Variants in ARHGEF28 observed in about 807,000 individuals in gnomAD.
ARHGEF28 encodes 190 kDa guanine nucleotide exchange factor.
Under a neutral mutation model 206.6 loss-of-function variants are expected in ARHGEF28, and 152 were observed. The ratio of observed to expected loss-of-function variants is 0.74; its 90% confidence interval spans 0.64 to 0.84. The LOEUF (loss-of-function observed/expected upper bound fraction) is 0.84. Among genes scored for constraint, ARHGEF28 ranks in the 40% least tolerant of loss-of-function variants. The pLI is 0.00. For synonymous variants in ARHGEF28, 763 were observed against 776.4 expected, an observed-to-expected ratio of 0.98 and a Z score of 0.29; for missense variants, 2,028 against 2,073.2, an observed-to-expected ratio of 0.98 and a Z score of 0.42.
At chr5:73,650,610 A>G (rs1744752553) in intron 1 of ARHGEF28, among the ~76,000 whole-genome samples, 2 of 151,578 alleles carry the variant, frequency 1.3e-5, no homozygotes, top group Admixed American at 1.3e-4. Flanking sequence ...GATGGAAATT[A>G]CCTGTATACA....
In ARHGEF28 at chr5:73,810,140, T is replaced by C. The variant is rs144110862; in HGVS notation, c.1024+14749T>C. Among the ~76,000 whole-genome samples the C allele has an allele frequency of 9.8e-5, 15 of 152,366 alleles. No individual in the cohort carries two copies. In the East Asian group the frequency reaches 2.7e-3, roughly 27 times the overall value. ...AAAAGGGCTGTGCAAACACTATTTT[T>C]GACTTCACTTTCTAGTTGTATGTTA... On this transcript the variant is annotated intron_variant, in intron 9 of 35. Transcript: ENST00000513042.
At chr5:73,688,640 G>A (rs1376265293) in intron 2 of ARHGEF28, among the ~76,000 whole-genome samples, 1 of 152,032 alleles carries the variant, frequency 6.6e-6, no homozygotes, top group Non-Finnish European at 1.5e-5. Context: ...TCTTTTTGGG[G>A]AGAGAGGAGG....
chr5:73,813,620 A>G, intron 9 of ARHGEF28: 7 of 1,535,728 alleles, frequency 4.6e-6, no homozygotes, highest in Non-Finnish European at 6.1e-6. Context: ...CCTTTTAACT[A>G]CTCGTGGCCT....
chr5:73,907,442 C>A lies in ARHGEF28; in HGVS notation c.4162-1970C>A, dbSNP rs62357077. ...GTGAATTATTTTAATCTGAGCTGGT[C>A]CAAGGCCATGGGCTTTGAAAGATTT... On this transcript the variant is annotated intron_variant, in intron 33 of 35. Transcript: ENST00000513042. Among the ~76,000 whole-genome samples, 1,186 of 152,278 alleles carry A rather than the reference C, an allele frequency of 7.8e-3. 5 individuals carry two copies. The highest frequency in any genetic ancestry group is 0.012 in the Non-Finnish European group (826 of 68,024).
At chr5:73,691,416 C>A (rs1021639934) in intron 2 of ARHGEF28, among the ~76,000 whole-genome samples, 3 of 152,082 alleles carry the variant, frequency 2.0e-5, no homozygotes, top group African/African-American at 7.2e-5. Context: ...ATTCCCGTTC[C>A]TGTACTCTGA....
rs80072293 is a variant in ARHGEF28 at position 73,673,064 on chromosome 5, G to A, written c.-11-11777G>A. On this transcript the variant is annotated intron_variant, in intron 1 of 35. Coordinates refer to ENST00000513042, the MANE Select transcript of ARHGEF28 (RefSeq NM_001177693.2). ...TAATTCAACCCTTTCACTTAAAGCA[G>A]CTTAGACCTGCATAACTCAGGTAGA... Among the ~76,000 whole-genome samples the A allele has an allele frequency of 6.5e-3, 986 of 152,286 alleles. 15 individuals carry two copies. The highest frequency in any genetic ancestry group is 0.023 in the African/African-American group (951 of 41,550).
At chr5:73,899,830 C>A (rs1450660442) in intron 30 of ARHGEF28, 4 of 152,204 alleles carry the variant, frequency 2.6e-5, no homozygotes, top group African/African-American at 9.6e-5. Flanking sequence ...GACCCTCTGG[C>A]CCACCCTGAA....
At chr5:73,881,504 G>A (rs1479558661) in intron 22 of ARHGEF28, among the ~76,000 whole-genome samples, 1 of 152,148 alleles carries the variant, frequency 6.6e-6, no homozygotes, top group Non-Finnish European at 1.5e-5. Context: ...AGTCATATAT[G>A]TGTTTTGTTA....
Position 73,707,654 on chromosome 5 carries a change from G to A in ARHGEF28, c.33+22770G>A, listed in dbSNP as rs76273459. Among the ~76,000 whole-genome samples the A allele has an allele frequency of 8.7e-3, 1,327 of 152,106 alleles. 43 individuals carry two copies. Among genetic ancestry groups the A allele is most frequent in the Admixed American group, 0.071 (1,091 of 15,260 alleles). ...GACTAGTATGCAGAGGCAAGCTCAT[G>A]GATTTCTATTTTTTTTTATTTGTAA... On this transcript the variant is annotated intron_variant, in intron 2 of 35. Transcript: ENST00000513042.
chr5:73,815,190 GTA>G (rs34284444), intron 9 of ARHGEF28, among the ~76,000 whole-genome samples: 51,826 of 148,168 alleles, frequency 0.35, 9,356 homozygotes, highest in East Asian at 0.48. Context: ...GATTCAGGGG[GTA>G]TATATATATA....
chr5:73,675,953 G>A (rs915119011), intron 1 of ARHGEF28, among the ~76,000 whole-genome samples: 14 of 151,758 alleles, frequency 9.2e-5, no homozygotes, highest in Non-Finnish European at 1.8e-4. Flanking sequence ...AACGTGAACC[G>A]TGTGTGTGTC....
intron 3 of ARHGEF28, 52 bp downstream of exon 3, chr5:73,750,036 C>G (rs1751945800): frequency 6.3e-7 from 1 of 1,595,584 alleles, no homozygotes; most frequent in East Asian, 2.2e-5. Flanking sequence ...CAAATAACTT[C>G]CCTCCAGGGC....
chr5:73,830,560 GAAAAAAA>G (rs57559151), intron 9 of ARHGEF28, among the ~76,000 whole-genome samples: 1 of 127,190 alleles, frequency 7.9e-6, no homozygotes, highest in Admixed American at 8.0e-5. Flanking sequence ...CTCAAAAAAA[GAAAAAAA>G]AAAAAAAAAA....
At position 73,770,960 on chromosome 5, in the gene ARHGEF28, C is replaced by T. The variant is rs143566186; in HGVS notation, c.476-2895C>T. ...GGATTAGCAGAACAAGCTTGGAGAG[C>T]TCTCGTGGTAGAGGAAACAGATCTG... On this transcript the variant is annotated intron_variant, in intron 4 of 35. Coordinates refer to ENST00000513042, the MANE Select transcript of ARHGEF28 (RefSeq NM_001177693.2). Among the ~76,000 whole-genome samples, 1,517 of 152,272 alleles carry T rather than the reference C, an allele frequency of 1.0e-2. 12 individuals are homozygous for T. Among genetic ancestry groups the T allele is most frequent in the Non-Finnish European group, 0.014 (986 of 68,016 alleles).
At chr5:73,830,077 A>C (rs1757194129) in intron 9 of ARHGEF28, among the ~76,000 whole-genome samples, 1 of 152,176 alleles carries the variant, frequency 6.6e-6, no homozygotes, top group Admixed American at 6.5e-5. Context: ...CAATGCTATC[A>C]TCAAGTGTAT....
intron 1 of ARHGEF28, among the ~76,000 whole-genome samples, chr5:73,671,944 A>G (rs1322614563): frequency 6.6e-6 from 1 of 151,128 alleles, no homozygotes; most frequent in Non-Finnish European, 1.5e-5. Context: ...TTTAGTAGAG[A>G]TGGGGTTTCA....
At chr5:73,662,954 T>A (rs946075699) in intron 1 of ARHGEF28, among the ~76,000 whole-genome samples, 38 of 152,124 alleles carry the variant, frequency 2.5e-4, no homozygotes, top group African/African-American at 8.7e-4. Flanking sequence ...ATTTCTTTTT[T>A]AAAAAATTGT....
chr5:73,902,486 T>C (rs2112710088), intron 31 of ARHGEF28: 1 of 152,344 alleles, frequency 6.6e-6, no homozygotes, highest in Non-Finnish European at 1.5e-5. Context: ...GTCTGGGTTC[T>C]TCTTTGGATT....
chr5:73,666,517 TTGAAATGTAGGTGGATG>T (rs1368412020), intron 1 of ARHGEF28, among the ~76,000 whole-genome samples: 2 of 152,170 alleles, frequency 1.3e-5, no homozygotes, highest in Non-Finnish European at 2.9e-5. Flanking sequence ...CACGTGTCCT[TTGAAATGTAGGTGGATG>T]CTGCTGTGGC....
Sources: allele counts gnomAD v4.1 joint callset (sites outside exome capture counted in the v4.1 genomes callset), GRCh38; gene constraint gnomAD v4.1.1; transcripts MANE v1.5; gene names NCBI Gene and HGNC (gene_info 2026-07-23, HGNC 2026-07-21).